Variants in MYBBP1A observed in about 807,000 individuals in gnomAD.
The protein encoded by MYBBP1A is myb-binding protein 1A.
Under a neutral mutation model 136.3 loss-of-function variants are expected in MYBBP1A, and 147 were observed. The ratio of observed to expected loss-of-function variants is 1.08; its 90% CI spans 0.94 to 1.24. The LOEUF is 1.24. Among genes scored for constraint, MYBBP1A ranks in the 50% most tolerant of loss-of-function variants. The pLI, the probability that MYBBP1A is intolerant of heterozygous loss-of-function variation, is 0.00. For synonymous variants in MYBBP1A, 947 were observed against 735.8 expected, an observed-to-expected ratio of 1.29 and a Z score of -4.65; for missense variants, 2,060 against 1,727.4, an observed-to-expected ratio of 1.19 and a Z score of -3.41.
chr17:4,541,742 T>G (rs1906453731), intron 23 of MYBBP1A, 42 bp downstream of exon 23: 1 of 1,558,314 alleles, frequency 6.4e-7, no homozygotes, highest in Admixed American at 1.7e-5. Context: ...CCCGGAGAAC[T>G]GATTCTGAGG....
At chr17:4,546,412 C>A (rs1441330594) in intron 13 of MYBBP1A, among the ~76,000 whole-genome samples, 1 of 152,092 alleles carries the variant, frequency 6.6e-6, no homozygotes, top group East Asian at 1.9e-4. Context: ...GGTGTGAGCC[C>A]CCGCGCCCAG....
rs766413063 is a variant in MYBBP1A, at chr17:4,542,940, G to A, written c.2865C>T (p.Asp955=). The change falls in exon 20 of 26, where the codon GAC becomes GAT. Residue 955 remains aspartate (D), a synonymous_variant. Transcript: ENST00000254718. ...GCGGGCCCGTGGGCATGTGGCTGGG[G>A]TCAGTGCCAGCTTTCTGCTTCTCCT... is the stretch of plus-strand genomic sequence containing the variant. The part of the protein sequence containing the change: ...ETQEKQKAGT[D]PSHMPTGPQA... 14 of 1,613,930 alleles carry A rather than the reference G, an allele frequency of 8.7e-6. No homozygotes were observed. Among genetic ancestry groups the A allele is most frequent in the African/African-American group, 8.0e-5 (6 of 74,936 alleles).
At position 4,539,712 on chromosome 17, in the gene MYBBP1A, G is replaced by A. The variant is rs780728384; in HGVS notation, c.3690C>T (p.Thr1230=). The change falls in exon 26 of 26, where the codon ACC becomes ACT. Residue 1230 remains threonine (T), a synonymous_variant. Coordinates refer to ENST00000254718, the MANE Select transcript of MYBBP1A (RefSeq NM_014520.4). ...VPAQANGTPT[T]KSPAPGAPTR... is the part of the protein sequence containing the mutation. ...TGGGGGCGCCAGGGGCTGGACTCTT[G>A]GTGGTTGGCGTCCCGTTTGCCTGGG... The A allele has an allele frequency of 1.9e-6, 3 of 1,609,614 alleles. No individual in the cohort carries two copies. Among genetic ancestry groups the A allele is most frequent in the South Asian group, 1.1e-5 (1 of 90,978 alleles).
intron 8 of MYBBP1A, among the ~76,000 whole-genome samples, chr17:4,551,030 G>A (rs543522294): frequency 1.3e-5 from 2 of 152,324 alleles, no homozygotes; most frequent in Non-Finnish European, 1.5e-5. Flanking sequence ...TTGTGCCCCT[G>A]GCATGTAGTG....
In MYBBP1A at chr17:4,549,353, GCCT is replaced by G. The variant is rs777029200; in HGVS notation, c.1406_1408del (p.Glu469del). ...GCACCTGGCCACCTGCTCAGTCAAG[GCCT>G]CCTCCATCTCCAGGTGCAGGCTGTC... On this transcript the variant is annotated inframe_deletion, in exon 10 of 26. Transcript: ENST00000254718. The G allele has an allele frequency of 1.9e-6, 3 of 1,612,284 alleles. No homozygotes were observed. Among genetic ancestry groups the G allele is most frequent in the African/African-American group, 2.7e-5 (2 of 74,932 alleles).
At chr17:4,549,550 G>C in intron 9 of MYBBP1A, 108 bp from the exon 10 acceptor site, 1 of 927,678 alleles carries the variant, frequency 1.1e-6, no homozygotes, top group Non-Finnish European at 1.6e-6. Flanking sequence ...GCCAAGGCTG[G>C]CCAATCACTC....
chr17:4,549,454 G>C lies in MYBBP1A; in HGVS notation c.1320-12C>G. On this transcript the variant is annotated splice_polypyrimidine_tract_variant and intron_variant, in intron 9 of 25. Coordinates refer to ENST00000254718, the MANE Select transcript of MYBBP1A (RefSeq NM_014520.4). Reference sequence around the variant, plus strand: ...CAGCTCGCTCAGGCCTAGCGGGGCAGGAGGCGAGGTCATGTGAGCCACTTA... The same window carrying C: ...CAGCTCGCTCAGGCCTAGCGGGGCACGAGGCGAGGTCATGTGAGCCACTTA... 1 of 1,610,090 alleles carries C rather than the reference G, an allele frequency of 6.2e-7. No individual in the cohort carries two copies. Among genetic ancestry groups the C allele is most frequent in the Non-Finnish European group, 8.5e-7 (1 of 1,178,936 alleles).
chr17:4,545,441 A>AAAACGGAGCCTAGG, intron 15 of MYBBP1A, 96 bp from the exon 16 acceptor site: 4 of 1,552,998 alleles, frequency 2.6e-6, no homozygotes, highest in Non-Finnish European at 3.5e-6. Flanking sequence ...TTCCCAGAAG[A>AAAACGGAGCCTAGG]AAACGGAGCC....
intron 20 of MYBBP1A, 44 bp downstream of exon 20, chr17:4,542,869 G>A (rs376990995): frequency 1.9e-6 from 3 of 1,609,058 alleles, no homozygotes; most frequent in South Asian, 1.1e-5. Flanking sequence ...CCACTCCCTG[G>A]CTGTGAAATG....
intron 13 of MYBBP1A, among the ~76,000 whole-genome samples, chr17:4,546,865 C>T (rs1907059305): frequency 6.6e-6 from 1 of 152,002 alleles, no homozygotes; most frequent in Non-Finnish European, 1.5e-5. Context: ...CTCTCCGGCT[C>T]CCAGGCTGTG....
rs749149422 is a variant in MYBBP1A at position 4,538,906 on chromosome 17, GCCT to G, written c.*506_*508del. On this transcript the variant is annotated 3_prime_UTR_variant, in exon 26 of 26. Transcript: ENST00000254718. The stretch of plus-strand genomic sequence containing the variant: ...TGTACAAGAACCAGGTCCGAGTGTT[GCCT>G]CCTCTTCCTTCCGGAAGCCAAACTG... 1.0e-5 allele frequency: 8 copies of G among 781,404 alleles called. No homozygotes were observed. In the East Asian group the frequency reaches 1.9e-4, roughly 19 times the overall value. 48.4% of individuals were successfully genotyped at this position (781,404 alleles called of 1,614,324 possible). A position where few individuals can be genotyped will look rare whatever the true frequency, so the allele number is the denominator to read the frequency against.
At position 4,541,441 on chromosome 17, in the gene MYBBP1A, G is replaced by A. The variant is rs375525372; in HGVS notation, c.3297+22C>T. On this transcript the variant is annotated intron_variant, in intron 24 of 25. Transcript: ENST00000254718. ...CCCCAAGAGGAACCCGAACACGACC[G>A]CGGACTGGGCCCCCGCCTCACCTCA... The A allele has an allele frequency of 3.9e-5, 62 of 1,605,282 alleles. No homozygotes were observed. The East Asian group carries it at 4.5e-4, about 12-fold the overall frequency.
At chr17:4,545,448 A>G (rs1906913561) in intron 15 of MYBBP1A, 103 bp from the exon 16 acceptor site, 3 of 1,534,778 alleles carry the variant, frequency 2.0e-6, no homozygotes, top group Admixed American at 1.9e-5. Context: ...AAGAAAACGG[A>G]GCCTAGGAGA....
At chr17:4,541,594 C>T (rs1463028944) in intron 23 of MYBBP1A, 30 bp from the exon 24 acceptor site, 1 of 1,598,806 alleles carries the variant, frequency 6.3e-7, no homozygotes, top group African/African-American at 1.3e-5. Flanking sequence ...CTGAGGCACT[C>T]CGGAGAGCTG....
rs111957500 is a variant in MYBBP1A at position 4,548,020 on chromosome 17, C to T, written c.1762G>A (p.Ala588Thr). 6.6e-5 allele frequency: 102 copies of T among 1,548,886 alleles called. No individual in the cohort carries two copies. The East Asian group carries it at 1.4e-3, about 22-fold the overall frequency. Residue 588 changes from alanine (A) to threonine (T), a missense_variant, in exon 13 of 26, where the codon GCA (alanine) becomes ACA (threonine). Physicochemically the swap from Ala to Thr is moderately conservative, Grantham distance 58. Coordinates refer to ENST00000254718, the MANE Select transcript of MYBBP1A (RefSeq NM_014520.4). The surrounding 1 kb of genome is among the most constrained non-coding windows in gnomAD (Gnocchi z 4.2). The stretch of plus-strand genomic sequence containing the variant: ...TGGAAGGCAGCAGCCCTGGCCTCTG[C>T]GGAGTGGGCCTCCAGCTCCTTCAGA... The part of the protein sequence containing the change: ...QTLKELEAHS[A>T]EARAAAFQHL...
At chr17:4,541,752 G>C (rs765749805) in intron 23 of MYBBP1A, 32 bp downstream of exon 23, 11 of 1,573,282 alleles carry the variant, frequency 7.0e-6, no homozygotes, top group East Asian at 4.5e-5. Context: ...TGATTCTGAG[G>C]GGGTGGGGAA....
chr17:4,544,730 G>A (rs1417927302), intron 18 of MYBBP1A, 21 bp downstream of exon 18: 10 of 1,523,176 alleles, frequency 6.6e-6, no homozygotes, highest in Non-Finnish European at 8.0e-6. Flanking sequence ...GGGGGTGGGT[G>A]CGGCCCGCCC....
At chr17:4,551,416 T>C (rs1907489463) in intron 8 of MYBBP1A, among the ~76,000 whole-genome samples, 2 of 152,192 alleles carry the variant, frequency 1.3e-5, no homozygotes, top group Non-Finnish European at 2.9e-5. Flanking sequence ...TTATCAAAAC[T>C]GTCAGAGGGA....
rs755560565 is a variant in MYBBP1A, at chr17:4,539,769, C to G, written c.3633G>C (p.Lys1211Asn). 9.3e-6 allele frequency: 15 copies of G among 1,612,964 alleles called. No homozygotes were observed. The highest frequency in any genetic ancestry group is 3.3e-4 in the Middle Eastern group (2 of 6,084). ...GGSQPPSMGR[K>N]KRNRTKAKVP... ...CCTTAGCCTTTGTCCTGTTCCTCTT[C>G]TTCCTGCCCATGCTGGGGGGCTGGC... Residue 1211 changes from lysine to asparagine, a missense_variant, in exon 26 of 26, where the codon AAG becomes AAC. By Grantham distance (94) the Lys-to-Asn change is moderately conservative. Transcript: ENST00000254718.
Sources: gnomAD v4.1 joint callset for allele counts (sites outside exome capture counted in the v4.1 genomes callset) on GRCh38, gnomAD v4.1.1 for gene constraint, Gnocchi (gnomAD v3.1) non-coding constraint, MANE v1.5 for transcripts, NCBI Gene and HGNC (gene_info 2026-07-23, HGNC 2026-07-21) for gene names.